The following CENPP variants were observed in gnomAD, a reference collection of about 807,000 sequenced individuals.
CENPP encodes centromere protein P.
A neutral mutation model predicts 35.6 loss-of-function variants in CENPP; 24 were observed. That is an observed-to-expected ratio of 0.67 (90% confidence interval 0.49 to 0.95). The LOEUF is 0.95. CENPP is among the 40% of genes least tolerant of loss of function. The pLI is 0.00. For missense variants in CENPP, 332 were observed against 345.3 expected (o/e 0.96, Z 0.31); for synonymous variants, 120 against 125.5 (o/e 0.96, Z 0.29).
intron 5 of CENPP, among the ~76,000 whole-genome samples, chr9:92,530,187 G>A (rs1196101536): frequency 2.0e-5 from 3 of 152,122 alleles, no homozygotes; most frequent in Non-Finnish European, 4.4e-5. Flanking sequence ...GGTACCAAGG[G>A]ACGACAGTAC....
At chr9:92,416,776 A>T in intron 5 of CENPP, 1 of 1,613,902 alleles carries the variant, frequency 6.2e-7, no homozygotes, top group South Asian at 1.1e-5. Flanking sequence ...ACATTCTTAG[A>T]GTATGAAGTT....
intron 5 of CENPP, among the ~76,000 whole-genome samples, chr9:92,464,096 T>C (rs1270304281): frequency 2.0e-5 from 3 of 152,198 alleles, no homozygotes; most frequent in Admixed American, 6.5e-5. Context: ...TTGTTAATCA[T>C]AGGGGTTATT....
intron 5 of CENPP, among the ~76,000 whole-genome samples, chr9:92,544,418 G>A (rs1429841632): frequency 2.0e-5 from 3 of 152,176 alleles, no homozygotes; most frequent in African/African-American, 7.2e-5. Context: ...AGAGGTTGCA[G>A]CGAGCCACGA....
At chr9:92,495,984 A>G (rs1846325446) in intron 5 of CENPP, 4 of 993,308 alleles carry the variant, frequency 4.0e-6, no homozygotes, top group Non-Finnish European at 4.8e-6. Context: ...TTCTCAGCTA[A>G]CACCAGTATT....
At chr9:92,484,300 A>T (rs1846004074) in intron 5 of CENPP, among the ~76,000 whole-genome samples, 1 of 152,302 alleles carries the variant, frequency 6.6e-6, no homozygotes, top group African/African-American at 2.4e-5. Flanking sequence ...TTACTCCTCA[A>T]GTCACAGCCT....
At chr9:92,361,015 C>G (rs1841733495) in intron 4 of CENPP, among the ~76,000 whole-genome samples, 1 of 151,834 alleles carries the variant, frequency 6.6e-6, no homozygotes, top group South Asian at 2.1e-4. Flanking sequence ...CCATATTTAT[C>G]TAGATTTTTA....
intron 5 of CENPP, among the ~76,000 whole-genome samples, chr9:92,439,802 C>T (rs1844341418): frequency 6.6e-6 from 1 of 152,092 alleles, no homozygotes; most frequent in Admixed American, 6.6e-5. Flanking sequence ...CTACAAGTAC[C>T]ATTTGGGTGA....
chr9:92,608,326 C>T (rs925506200), intron 5 of CENPP, among the ~76,000 whole-genome samples: 7 of 151,732 alleles, frequency 4.6e-5, no homozygotes, highest in African/African-American at 1.2e-4. Context: ...TGATATTTTT[C>T]AATTCACTTT....
chr9:92,464,089 T>A (rs978903527), intron 5 of CENPP, among the ~76,000 whole-genome samples: 3 of 152,230 alleles, frequency 2.0e-5, no homozygotes, highest in Non-Finnish European at 2.9e-5. Flanking sequence ...AAATATGTTG[T>A]TAATCATAGG....
chr9:92,346,310 T>C (rs1247223841), intron 4 of CENPP, among the ~76,000 whole-genome samples: 3 of 152,288 alleles, frequency 2.0e-5, no homozygotes, highest in African/African-American at 7.2e-5. Context: ...GGAATTTGAC[T>C]AGCAGAGAGA....
In CENPP at chr9:92,349,694, G is replaced by A. The variant is rs77603666; in HGVS notation, c.467+3907G>A. Among the ~76,000 whole-genome samples the A allele has an allele frequency of 4.9e-3, 742 of 152,084 alleles. 5 individuals carry two copies. Among genetic ancestry groups the A allele is most frequent in the African/African-American group, 0.016 (643 of 41,476 alleles). On this transcript the variant is annotated intron_variant, in intron 4 of 7. Transcript: ENST00000375587. Reference sequence around the variant, plus strand: ...TGGGATTACAGGCGTGAGCCACCACGCCTGGCCTATGTATACATTTATGTA... The same window carrying A: ...TGGGATTACAGGCGTGAGCCACCACACCTGGCCTATGTATACATTTATGTA...
At chr9:92,351,927 T>C (rs936892827) in intron 4 of CENPP, among the ~76,000 whole-genome samples, 1 of 151,460 alleles carries the variant, frequency 6.6e-6, no homozygotes, top group Non-Finnish European at 1.5e-5. Context: ...GCCTGGCCAG[T>C]ATTTGCCTTT....
chr9:92,396,421 ATC>A (rs1186978302), intron 5 of CENPP, among the ~76,000 whole-genome samples: 19 of 152,000 alleles, frequency 1.3e-4, no homozygotes, highest in African/African-American at 4.3e-4. Flanking sequence ...ATTGTGTTGA[ATC>A]TCTAAATTTG....
chr9:92,517,076 G>A (rs1430070298), intron 5 of CENPP: 3 of 125,454 alleles, frequency 2.4e-5, no homozygotes, highest in African/African-American at 4.4e-5. Flanking sequence ...CCTCATTGGA[G>A]AAGGGGTCCA....
intron 1 of CENPP, 66 bp downstream of exon 1, chr9:92,326,171 TC>T: frequency 1.0e-6 from 1 of 1,001,488 alleles, no homozygotes; most frequent in Non-Finnish European, 1.5e-6. Context: ...CGGGTGAATC[TC>T]CACAGACATC....
At chr9:92,578,934 G>T (rs994285619) in intron 5 of CENPP, among the ~76,000 whole-genome samples, 3 of 152,164 alleles carry the variant, frequency 2.0e-5, no homozygotes, top group African/African-American at 7.2e-5. Context: ...ATGGTTTTAG[G>T]TCTAACGTTT....
At chr9:92,505,803 T>C (rs1846970563) in intron 5 of CENPP, 2 of 839,910 alleles carry the variant, frequency 2.4e-6, no homozygotes, top group Admixed American at 6.2e-5. Flanking sequence ...GCAAATACAG[T>C]TTTTTTTAAA....
chr9:92,469,760 G>A lies in CENPP; in HGVS notation c.564+89901G>A, dbSNP rs111388208. 1.1e-3 allele frequency among the ~76,000 whole-genome samples: 165 copies of A among 152,252 alleles called. 1 individual carries two copies. The highest frequency in any genetic ancestry group is 3.8e-3 in the African/African-American group (156 of 41,558). ...CCAGAGTCAGCGAGGCAGGAGCTGT[G>A]CTGAGGGGAGGCGGTGGCGGGGGAA... On this transcript the variant is annotated intron_variant, in intron 5 of 7. Transcript: ENST00000375587.
chr9:92,367,149 A>G (rs1235509970), intron 4 of CENPP, among the ~76,000 whole-genome samples: 1 of 152,098 alleles, frequency 6.6e-6, no homozygotes, highest in African/African-American at 2.4e-5. Context: ...TGTGGAGGAA[A>G]CGTTTATTTT....
Sources: gnomAD v4.1 joint callset for allele counts (sites outside exome capture counted in the v4.1 genomes callset) on GRCh38, gnomAD v4.1.1 for gene constraint, MANE v1.5 for transcripts, NCBI Gene and HGNC (gene_info 2026-07-23, HGNC 2026-07-21) for gene names.